Variants in ARHGAP24 observed in about 807,000 individuals in gnomAD.
The protein encoded by ARHGAP24 is Rho GTPase activating protein 24, also known as rho GTPase-activating protein 24.
A neutral mutation model predicts 76.4 loss-of-function variants in ARHGAP24; 50 were observed. That is an observed-to-expected ratio of 0.65 (90% CI 0.52 to 0.83). The LOEUF is 0.83. Ranked by LOEUF, ARHGAP24 falls within the 40% of genes least tolerant of loss-of-function variation. The pLI is 0.00. For synonymous variants in ARHGAP24, 345 were observed against 323.3 expected (o/e 1.07, Z -0.72); for missense variants, 930 against 914.2 (o/e 1.02, Z -0.22).
At chr4:85,526,583 G>A (rs1411420151) in intron 1 of ARHGAP24, among the ~76,000 whole-genome samples, 1 of 151,998 alleles carries the variant, frequency 6.6e-6, no homozygotes, top group Admixed American at 6.6e-5. Context: ...TATTAAGGGA[G>A]AAGGACAGTT....
chr4:85,609,985 C>T (rs1720325999), intron 2 of ARHGAP24, among the ~76,000 whole-genome samples: 1 of 152,096 alleles, frequency 6.6e-6, no homozygotes, highest in Non-Finnish European at 1.5e-5. Context: ...CTATTTTTAA[C>T]TATTGTACAA....
At chr4:85,965,889 C>A (rs1310449056) in intron 5 of ARHGAP24, among the ~76,000 whole-genome samples, 1 of 152,180 alleles carries the variant, frequency 6.6e-6, no homozygotes, top group African/African-American at 2.4e-5. Flanking sequence ...ACCTGGTACT[C>A]TGACAGTTCC....
chr4:85,738,063 G>A (rs963063034), intron 3 of ARHGAP24, among the ~76,000 whole-genome samples: 48 of 152,042 alleles, frequency 3.2e-4, no homozygotes, highest in Non-Finnish European at 2.9e-5. Flanking sequence ...TGAGATTAAA[G>A]GCGCCCACCA....
intron 2 of ARHGAP24, among the ~76,000 whole-genome samples, chr4:85,689,676 A>AAG (rs1723558198): frequency 6.6e-6 from 1 of 152,218 alleles, no homozygotes; most frequent in Non-Finnish European, 1.5e-5. Context: ...GACGTGAGCC[A>AAG]GCATGCCCAG....
intron 1 of ARHGAP24, among the ~76,000 whole-genome samples, chr4:85,488,343 A>G (rs1003511562): frequency 3.9e-5 from 6 of 152,162 alleles, no homozygotes; most frequent in African/African-American, 1.4e-4. Flanking sequence ...TTAGAGGAGA[A>G]GAATAAAATT....
At chr4:85,702,944 G>A (rs1724152618) in intron 2 of ARHGAP24, among the ~76,000 whole-genome samples, 1 of 151,822 alleles carries the variant, frequency 6.6e-6, no homozygotes, top group Non-Finnish European at 1.5e-5. Flanking sequence ...AGCTGTGATG[G>A]ACAGAGAAAG....
In ARHGAP24 at chr4:85,874,772, TATAAAATATA is replaced by T. The variant is rs1219349620; in HGVS notation, c.269-48875_269-48866del. ...GAATATATATTTTATATAATTTATA[TATAAAATATA>T]TTTATATATAATTTATATATAAAAT... is the stretch of plus-strand genomic sequence containing the variant. On this transcript the variant is annotated intron_variant, in intron 3 of 9. Coordinates refer to ENST00000395184, the MANE Select transcript of ARHGAP24 (RefSeq NM_001025616.3). Among the ~76,000 whole-genome samples, 505 of 80,616 alleles carry T rather than the reference TATAAAATATA, an allele frequency of 6.3e-3. 3 individuals are homozygous for T. The highest frequency in any genetic ancestry group is 0.025 in the East Asian group (69 of 2,794). The allele number at this position is 80,616 out of a possible 152,430, so 52.9% of individuals were successfully genotyped here. A position where few individuals can be genotyped will look rare whatever the true frequency, so the allele number is the denominator to read the frequency against.
chr4:85,532,841 C>T (rs1725323945), intron 1 of ARHGAP24, among the ~76,000 whole-genome samples: 1 of 152,108 alleles, frequency 6.6e-6, no homozygotes, highest in Admixed American at 6.6e-5. Context: ...TTATACTGTC[C>T]ACTGCTTTTT....
chr4:85,549,580 C>T (rs1446903493), intron 1 of ARHGAP24, among the ~76,000 whole-genome samples: 2 of 152,102 alleles, frequency 1.3e-5, no homozygotes, highest in African/African-American at 4.8e-5. Flanking sequence ...TTCTGACAGT[C>T]TCTGGCTTGC....
At chr4:85,504,197 AT>A (rs1723939439) in intron 1 of ARHGAP24, among the ~76,000 whole-genome samples, 1 of 152,184 alleles carries the variant, frequency 6.6e-6, no homozygotes, top group South Asian at 2.1e-4. Context: ...TATTCTGTTG[AT>A]TTAGGGTGGA....
chr4:85,932,556 G>C (rs1407996542), intron 4 of ARHGAP24, among the ~76,000 whole-genome samples: 2 of 151,308 alleles, frequency 1.3e-5, no homozygotes, highest in Admixed American at 1.3e-4. Context: ...GGGGAAGGCA[G>C]TGCCTGGGAA....
intron 1 of ARHGAP24, among the ~76,000 whole-genome samples, chr4:85,558,586 A>AC (rs1420489718): frequency 6.6e-6 from 1 of 152,042 alleles, no homozygotes; most frequent in Non-Finnish European, 1.5e-5. Context: ...CAGATTCTAA[A>AC]AAAAAAAAAG....
chr4:85,554,476 A>G (rs1259444095), intron 1 of ARHGAP24, among the ~76,000 whole-genome samples: 2 of 152,056 alleles, frequency 1.3e-5, no homozygotes, highest in African/African-American at 4.8e-5. Flanking sequence ...ACATAATCCC[A>G]TATTTCTCGT....
chr4:85,583,322 G>C (rs1328565979), intron 2 of ARHGAP24, among the ~76,000 whole-genome samples: 1 of 152,026 alleles, frequency 6.6e-6, no homozygotes, highest in Non-Finnish European at 1.5e-5. Flanking sequence ...ATTATGAACT[G>C]TTATGTCTTA....
chr4:86,000,461 C>CG lies in ARHGAP24; in HGVS notation c.2004-18_2004-17insG, dbSNP rs1740947536. 3.5e-6 allele frequency: 3 copies of CG among 861,076 alleles called. No homozygotes were observed. The highest frequency in any genetic ancestry group is 5.2e-6 in the Non-Finnish European group (3 of 571,586). 53.3% of individuals were successfully genotyped at this position (861,076 alleles called of 1,614,324 possible). A position where few individuals can be genotyped will look rare whatever the true frequency, so the allele number is the denominator to read the frequency against. On this transcript the variant is annotated splice_polypyrimidine_tract_variant and intron_variant, in intron 9 of 9. Coordinates refer to ENST00000395184, the MANE Select transcript of ARHGAP24 (RefSeq NM_001025616.3). ...CTCTTGCGTCCCCACCCCCCACCCC[C>CG]CCCAACATCCTTTGTAGCTTAGAAC...
intron 5 of ARHGAP24, among the ~76,000 whole-genome samples, chr4:85,948,209 A>G (rs1421993249): frequency 6.6e-6 from 1 of 152,168 alleles, no homozygotes; most frequent in Admixed American, 6.5e-5. Flanking sequence ...CCCCATCCAC[A>G]ACATAAAAAC....
chr4:85,556,390 G>A (rs1200787992), intron 1 of ARHGAP24, among the ~76,000 whole-genome samples: 2 of 152,276 alleles, frequency 1.3e-5, no homozygotes, highest in Non-Finnish European at 2.9e-5. Context: ...CCCCTGCCTG[G>A]TGAAGAGTGG....
intron 3 of ARHGAP24, among the ~76,000 whole-genome samples, chr4:85,802,229 G>A (rs1728607882): frequency 6.6e-6 from 1 of 151,920 alleles, no homozygotes; most frequent in Non-Finnish European, 1.5e-5. Context: ...TCATAATCTC[G>A]TATCCAACTC....
chr4:85,923,816 C>T (rs1245192739), intron 4 of ARHGAP24, 46 bp downstream of exon 4: 6 of 1,612,844 alleles, frequency 3.7e-6, no homozygotes, highest in Non-Finnish European at 5.1e-6. Context: ...GTAGACCAAA[C>T]CTGTTCATCC....
Sources: gnomAD v4.1 joint callset for allele counts (sites outside exome capture counted in the v4.1 genomes callset) on GRCh38, gnomAD v4.1.1 for gene constraint, MANE v1.5 for transcripts, NCBI Gene and HGNC (gene_info 2026-07-23, HGNC 2026-07-21) for gene names.